PCDH15: variants seen among roughly 807,000 people sequenced by gnomAD.
The protein encoded by PCDH15 is protocadherin-15.
In PCDH15, 129 loss-of-function variants were observed where a neutral mutation model predicts 178.5. The ratio of observed to expected loss-of-function variants is 0.72; its 90% CI spans 0.63 to 0.84. The LOEUF is 0.84. Among genes scored for constraint, PCDH15 ranks in the 40% least tolerant of loss-of-function variants. The pLI, the probability that PCDH15 is intolerant of heterozygous loss-of-function variation, is 0.00. For synonymous variants in PCDH15, 800 were observed against 732.0 expected, an observed-to-expected ratio of 1.09 and a Z score of -1.50; for missense variants, 2,230 against 2,099.9, an observed-to-expected ratio of 1.06 and a Z score of -1.21.
intron 2 of PCDH15, among the ~76,000 whole-genome samples, chr10:55,623,427 A>C (rs1837449637): frequency 6.6e-6 from 1 of 152,140 alleles, no homozygotes; most frequent in Admixed American, 6.6e-5. Context: ...AACACAAATC[A>C]ATCCTGTTAA....
intron 1 of PCDH15, among the ~76,000 whole-genome samples, chr10:55,301,146 G>C (rs1239953399): frequency 6.6e-6 from 1 of 152,152 alleles, no homozygotes; most frequent in African/African-American, 2.4e-5. Flanking sequence ...TGTATCATAT[G>C]ATAGTTGTAT....
chr10:54,809,672 A>G (rs536422417), intron 3 of PCDH15, among the ~76,000 whole-genome samples: 23 of 152,272 alleles, frequency 1.5e-4, no homozygotes, highest in Admixed American at 3.3e-4. Context: ...ACAATGTGCC[A>G]GGCAAAGCTG....
chr10:54,811,139 A>G (rs1312299687), intron 3 of PCDH15, among the ~76,000 whole-genome samples: 1 of 151,974 alleles, frequency 6.6e-6, no homozygotes. Context: ...TTATGTGTAT[A>G]TATATATATG....
chr10:54,743,859 AATTTT>A (rs1945133791), intron 1 of PCDH15, among the ~76,000 whole-genome samples: 1 of 152,084 alleles, frequency 6.6e-6, no homozygotes, highest in Non-Finnish European at 1.5e-5. Context: ...TAACACAAGG[AATTTT>A]ATTTTCATAA....
At chr10:54,078,070 T>A (rs1279234896) in intron 17 of PCDH15, among the ~76,000 whole-genome samples, 1 of 152,004 alleles carries the variant, frequency 6.6e-6, no homozygotes, top group African/African-American at 2.4e-5. Flanking sequence ...TCTCAAAAAA[T>A]AATAATAATA....
chr10:54,073,693 A>G (rs939534020), intron 17 of PCDH15, among the ~76,000 whole-genome samples: 1 of 152,222 alleles, frequency 6.6e-6, no homozygotes, highest in African/African-American at 2.4e-5. Context: ...TCAAACCATG[A>G]TGGAATCAAG....
chr10:54,237,125 T>C (rs2054713152), intron 8 of PCDH15, among the ~76,000 whole-genome samples, 194 bp from the exon 9 acceptor site: 1 of 152,128 alleles, frequency 6.6e-6, no homozygotes, highest in African/African-American at 2.4e-5. Flanking sequence ...AAAGTCAAAA[T>C]GGTAAGACAT....
intron 2 of PCDH15, among the ~76,000 whole-genome samples, chr10:54,578,422 T>A (rs1467433954): frequency 6.6e-6 from 1 of 152,128 alleles, no homozygotes; most frequent in Admixed American, 6.5e-5. Flanking sequence ...TCAGAACTAT[T>A]AACCTTATAG....
intron 21 of PCDH15, among the ~76,000 whole-genome samples, chr10:53,964,380 A>ATTCATAAAATT (rs2088719807): frequency 3.4e-5 from 4 of 117,934 alleles, no homozygotes; most frequent in Non-Finnish European, 3.5e-5. Context: ...AAAAAAATTT[A>ATTCATAAAATT]TTTATAAATT....
intron 21 of PCDH15, among the ~76,000 whole-genome samples, chr10:53,963,031 T>C (rs1301319768): frequency 2.0e-5 from 3 of 152,158 alleles, no homozygotes; most frequent in African/African-American, 7.2e-5. Flanking sequence ...GAAACACTCC[T>C]ATTTGGCATT....
At chr10:54,910,271 T>C (rs1464572262) in intron 2 of PCDH15, among the ~76,000 whole-genome samples, 1 of 152,114 alleles carries the variant, frequency 6.6e-6, no homozygotes, top group African/African-American at 2.4e-5. Context: ...GTCATCAAGG[T>C]ACAATCTCCC....
chr10:55,481,630 G>A (rs576872163), intron 2 of PCDH15, among the ~76,000 whole-genome samples: 3 of 151,954 alleles, frequency 2.0e-5, no homozygotes, highest in African/African-American at 7.2e-5. Flanking sequence ...CAACTTCCAT[G>A]TAATTGTATA....
intron 2 of PCDH15, among the ~76,000 whole-genome samples, chr10:54,532,500 A>G (rs897616964): frequency 6.6e-6 from 1 of 152,162 alleles, no homozygotes; most frequent in African/African-American, 2.4e-5. Flanking sequence ...AAGAAAACTC[A>G]GTGATAACAT....
At chr10:53,882,767 CCTCT>C in intron 26 of PCDH15, among the ~76,000 whole-genome samples, 1 of 152,014 alleles carries the variant, frequency 6.6e-6, no homozygotes, top group Non-Finnish European at 1.5e-5. Flanking sequence ...TTTGTTTTTC[CCTCT>C]GTTTTTCTTT....
intron 2 of PCDH15, among the ~76,000 whole-genome samples, chr10:55,547,925 G>A (rs1564448211): frequency 2.0e-5 from 3 of 147,432 alleles, no homozygotes; most frequent in Non-Finnish European, 3.0e-5. Context: ...GAGAGAGAGA[G>A]AGAGAGAGAG....
At chr10:55,135,245 T>A (rs1838156240) in intron 2 of PCDH15, among the ~76,000 whole-genome samples, 1 of 152,178 alleles carries the variant, frequency 6.6e-6, no homozygotes, top group African/African-American at 2.4e-5. Flanking sequence ...ATCAGAGGGA[T>A]AACAACGGAT....
intron 1 of PCDH15, among the ~76,000 whole-genome samples, chr10:55,254,477 G>C (rs992083944): frequency 3.9e-5 from 6 of 152,120 alleles, no homozygotes; most frequent in African/African-American, 1.4e-4. Context: ...ATCTTTTCCA[G>C]TTGCAAGCTG....
intron 3 of PCDH15, among the ~76,000 whole-genome samples, chr10:54,429,615 C>T (rs770575228): frequency 9.9e-5 from 15 of 151,936 alleles, no homozygotes; most frequent in South Asian, 2.1e-4. Context: ...AGACACACAT[C>T]GACTGAAAGT....
intron 2 of PCDH15, among the ~76,000 whole-genome samples, chr10:54,910,537 T>C (rs1443046854): frequency 6.6e-6 from 1 of 152,134 alleles, no homozygotes; most frequent in Non-Finnish European, 1.5e-5. Context: ...GGCCTAACCC[T>C]GAGGATTGAG....
Sources: gnomAD v4.1 joint callset for allele counts (sites outside exome capture counted in the v4.1 genomes callset) on GRCh38, gnomAD v4.1.1 for gene constraint, MANE v1.5 for transcripts, NCBI Gene and HGNC (gene_info 2026-07-23, HGNC 2026-07-21) for gene names.